The following CNTNAP5 variants were observed in gnomAD, a reference collection of about 807,000 sequenced individuals.
CNTNAP5 encodes contactin-associated protein-like 5.
In CNTNAP5, 72 loss-of-function variants were observed where a neutral mutation model predicts 150.2. That is an observed-to-expected ratio of 0.48 (90% CI 0.40 to 0.58). The LOEUF is 0.58. Ranked by LOEUF, CNTNAP5 falls within the 20% of genes least tolerant of loss-of-function variation. CNTNAP5 has a pLI of 0.00. For missense variants in CNTNAP5, 1,636 were observed against 1,626.2 expected (o/e 1.01, Z -0.10); for synonymous variants, 672 against 619.8 (o/e 1.08, Z -1.25).
chr2:124,570,562 G>GTTTCATTTTAGTGTTGA (rs140552578), intron 11 of CNTNAP5, among the ~76,000 whole-genome samples: 5,948 of 152,100 alleles, frequency 0.039, 222 homozygotes, highest in African/African-American at 0.096. Context: ...CAGTTTGTTG[G>GTTTCATTTTAGTGTTGA]GGATCGGGTT....
At position 124,713,242 on chromosome 2, in the gene CNTNAP5, TCTC is replaced by T. The variant is rs1558746610; in HGVS notation, c.2078-33986_2078-33984del. ...CTGTTTCTTTCTTTCTTTCTTTCTT[TCTC>T]TTTCTTTCTTTCTTTCTTTCTTTCT... is the stretch of plus-strand genomic sequence containing the variant. On this transcript the variant is annotated intron_variant, in intron 13 of 23. Transcript: ENST00000682447. Among the ~76,000 whole-genome samples the T allele has an allele frequency of 4.7e-4, 7 of 14,922 alleles. 2 individuals are homozygous for T. Among genetic ancestry groups the T allele is most frequent in the Admixed American group, 7.0e-4 (1 of 1,422 alleles). 9.8% of individuals were successfully genotyped at this position (14,922 alleles called of 152,430 possible). A position where few individuals can be genotyped will look rare whatever the true frequency, so the allele number is the denominator to read the frequency against.
intron 13 of CNTNAP5, among the ~76,000 whole-genome samples, chr2:124,738,340 T>C (rs1680429328): frequency 6.6e-6 from 1 of 152,198 alleles, no homozygotes; most frequent in South Asian, 2.1e-4. Context: ...GTTGTTCCTT[T>C]ATTGTTATCA....
intron 3 of CNTNAP5, among the ~76,000 whole-genome samples, chr2:124,408,187 A>C (rs565507912): frequency 3.3e-5 from 5 of 152,208 alleles, no homozygotes; most frequent in Admixed American, 6.5e-5. Flanking sequence ...GGCTTAAAAA[A>C]CGGCACACCA....
At chr2:124,554,422 C>CTT (rs5834078) in intron 10 of CNTNAP5, among the ~76,000 whole-genome samples, 28,513 of 137,038 alleles carry the variant, frequency 0.21, 3,567 homozygotes, top group South Asian at 0.31. Context: ...ATACTTTTTT[C>CTT]TTTTTTTTTT....
chr2:124,330,280 G>A (rs1460241361), intron 3 of CNTNAP5, among the ~76,000 whole-genome samples: 1 of 152,134 alleles, frequency 6.6e-6, no homozygotes, highest in African/African-American at 2.4e-5. Flanking sequence ...AATATAATCA[G>A]TGCTTCCAAT....
chr2:124,375,783 C>CA (rs1176658444), intron 3 of CNTNAP5, among the ~76,000 whole-genome samples: 2 of 151,290 alleles, frequency 1.3e-5, no homozygotes, highest in South Asian at 2.1e-4. Context: ...AAATTATTTC[C>CA]AAAAAAAAGT....
At chr2:124,827,299 T>C (rs1438964112) in intron 19 of CNTNAP5, among the ~76,000 whole-genome samples, 1 of 152,164 alleles carries the variant, frequency 6.6e-6, no homozygotes, top group Non-Finnish European at 1.5e-5. Flanking sequence ...GCACACTGTG[T>C]GCTGGTGGCG....
intron 3 of CNTNAP5, among the ~76,000 whole-genome samples, chr2:124,306,173 C>T (rs755390722): frequency 1.3e-5 from 2 of 152,078 alleles, no homozygotes; most frequent in Non-Finnish European, 2.9e-5. Flanking sequence ...AAGACTACAC[C>T]AGTTCAAGGC....
chr2:124,069,380 C>G (rs1370418631), intron 1 of CNTNAP5, among the ~76,000 whole-genome samples: 1 of 152,174 alleles, frequency 6.6e-6, no homozygotes, highest in African/African-American at 2.4e-5. Flanking sequence ...GGCTCCAAGT[C>G]AGCATCTCTG....
chr2:124,712,379 T>A (rs1679825770), intron 13 of CNTNAP5, among the ~76,000 whole-genome samples: 1 of 152,086 alleles, frequency 6.6e-6, no homozygotes. Flanking sequence ...AAATGAAAGG[T>A]TAGAATGGTT....
chr2:124,453,774 G>C (rs1693046883), intron 6 of CNTNAP5, among the ~76,000 whole-genome samples: 1 of 152,044 alleles, frequency 6.6e-6, no homozygotes, highest in South Asian at 2.1e-4. Context: ...TTTTTACCCA[G>C]CAAAACTAAG....
intron 6 of CNTNAP5, among the ~76,000 whole-genome samples, chr2:124,463,081 G>A (rs981877860): frequency 6.6e-5 from 10 of 152,186 alleles, no homozygotes; most frequent in Non-Finnish European, 2.9e-5. Flanking sequence ...TTGTGACACA[G>A]GATATGACCG....
intron 11 of CNTNAP5, among the ~76,000 whole-genome samples, chr2:124,575,773 T>A (rs920007636): frequency 6.6e-6 from 1 of 152,172 alleles, no homozygotes; most frequent in Non-Finnish European, 1.5e-5. Flanking sequence ...CTAAACCAGG[T>A]CTGGAATATT....
chr2:124,360,598 G>A (rs879441199), intron 3 of CNTNAP5, among the ~76,000 whole-genome samples: 57 of 137,346 alleles, frequency 4.2e-4, no homozygotes, highest in Non-Finnish European at 6.7e-4. Flanking sequence ...GAAATTCTGG[G>A]TTGAAAATTC....
At chr2:124,724,036 T>A (rs1021588797) in intron 13 of CNTNAP5, among the ~76,000 whole-genome samples, 1 of 151,766 alleles carries the variant, frequency 6.6e-6, no homozygotes, top group African/African-American at 2.4e-5. Flanking sequence ...TCCCAGCTAC[T>A]CGGGAGGCTG....
intron 7 of CNTNAP5, among the ~76,000 whole-genome samples, chr2:124,492,047 A>G (rs982720724): frequency 9.9e-5 from 15 of 151,970 alleles, no homozygotes; most frequent in Admixed American, 8.5e-4. Flanking sequence ...TAGCTTGTAA[A>G]TGTTTTCTCC....
chr2:124,430,121 A>G (rs1692337598), intron 4 of CNTNAP5, among the ~76,000 whole-genome samples: 1 of 152,062 alleles, frequency 6.6e-6, no homozygotes, highest in South Asian at 2.1e-4. Context: ...GAGGGAGACT[A>G]ACAGGGATGG....
At chr2:124,782,657 C>T (rs1681479320) in intron 17 of CNTNAP5, among the ~76,000 whole-genome samples, 2 of 151,540 alleles carry the variant, frequency 1.3e-5, no homozygotes, top group Admixed American at 1.3e-4. Flanking sequence ...GACCAAAGAA[C>T]TTTAAAAGAA....
chr2:124,586,743 A>C (rs530021350), intron 11 of CNTNAP5, among the ~76,000 whole-genome samples: 1 of 152,182 alleles, frequency 6.6e-6, no homozygotes, highest in African/African-American at 2.4e-5. Context: ...GAAAGTTGCA[A>C]TTGGGTGGAT....
Sources: gnomAD v4.1 joint callset for allele counts (sites outside exome capture counted in the v4.1 genomes callset) on GRCh38, gnomAD v4.1.1 for gene constraint, MANE v1.5 for transcripts, NCBI Gene and HGNC (gene_info 2026-07-23, HGNC 2026-07-21) for gene names.